Variants in TENM4 observed in about 807,000 individuals in gnomAD.
The protein encoded by TENM4 is teneurin transmembrane protein 4.
In TENM4, 82 loss-of-function variants were observed where a neutral mutation model predicts 243.3. The observed-to-expected ratio is 0.34, with a 90% CI of 0.28 to 0.40. The LOEUF (loss-of-function observed/expected upper bound fraction) is 0.40. TENM4 is among the 10% of genes least tolerant of loss of function. The pLI is 1.00. For synonymous variants in TENM4, 1,412 were observed against 1,456.3 expected, an observed-to-expected ratio of 0.97 and a Z score of 0.69; for missense variants, 3,138 against 3,673.3, an observed-to-expected ratio of 0.85 and a Z score of 3.77.
chr11:79,319,617 T>C (rs552411034), intron 1 of TENM4, among the ~76,000 whole-genome samples: 1 of 152,306 alleles, frequency 6.6e-6, no homozygotes, highest in East Asian at 1.9e-4. Context: ...CAGCCTGATC[T>C]GAAGCCTTGA....
At chr11:78,733,629 T>C (rs1258977722) in intron 20 of TENM4, among the ~76,000 whole-genome samples, 1 of 152,210 alleles carries the variant, frequency 6.6e-6, no homozygotes, top group Non-Finnish European at 1.5e-5. Context: ...AGCCTTGGCA[T>C]GCACTTTTAC....
chr11:79,251,767 A>G (rs1381346336), intron 2 of TENM4, among the ~76,000 whole-genome samples: 2 of 152,094 alleles, frequency 1.3e-5, no homozygotes, highest in Non-Finnish European at 2.9e-5. Flanking sequence ...TAAAATTATG[A>G]GAAAATATAA....
At chr11:78,821,603 T>G (rs1268690699) in intron 12 of TENM4, among the ~76,000 whole-genome samples, 1 of 152,208 alleles carries the variant, frequency 6.6e-6, no homozygotes, top group African/African-American at 2.4e-5. Flanking sequence ...AAGACACTGA[T>G]GAGTTAAGCT....
At chr11:78,814,449 A>G in intron 12 of TENM4, 54 bp from the exon 13 acceptor site, 1 of 1,475,008 alleles carries the variant, frequency 6.8e-7, no homozygotes, top group Non-Finnish European at 9.2e-7. Flanking sequence ...ACCCAAACAG[A>G]GAGCCCAGGA....
chr11:78,798,423 A>G (rs1353351926), intron 15 of TENM4, among the ~76,000 whole-genome samples: 1 of 152,196 alleles, frequency 6.6e-6, no homozygotes, highest in Admixed American at 6.5e-5. Flanking sequence ...ATAAACTGAA[A>G]GCTTAGAGGA....
chr11:79,320,626 C>T (rs495487), intron 1 of TENM4, among the ~76,000 whole-genome samples: 92,525 of 151,924 alleles, frequency 0.61, 28,589 homozygotes, highest in South Asian at 0.71. Context: ...CTCATGTTTG[C>T]TTATATCCAG....
chr11:79,198,392 G>A (rs1167325140), intron 3 of TENM4, among the ~76,000 whole-genome samples: 1 of 152,188 alleles, frequency 6.6e-6, no homozygotes, highest in Non-Finnish European at 1.5e-5. Flanking sequence ...GCCTGGGGAG[G>A]CGCCAGGCCT....
intron 25 of TENM4, among the ~76,000 whole-genome samples, chr11:78,718,744 A>T (rs1859579043): frequency 6.6e-6 from 1 of 152,240 alleles, no homozygotes; most frequent in Non-Finnish European, 1.5e-5. Flanking sequence ...CTCAGATTTC[A>T]GTGTCAGGAA....
At chr11:79,100,378 G>A (rs1243085346) in intron 4 of TENM4, among the ~76,000 whole-genome samples, 1 of 152,086 alleles carries the variant, frequency 6.6e-6, no homozygotes, top group Non-Finnish European at 1.5e-5. Context: ...GGATTGTGGG[G>A]TGTCTTCTAA....
At chr11:79,282,285 ATTGGGTGGCCC>A (rs1466751588) in intron 2 of TENM4, among the ~76,000 whole-genome samples, 1 of 152,182 alleles carries the variant, frequency 6.6e-6, no homozygotes, top group Non-Finnish European at 1.5e-5. Flanking sequence ...CCCTCATCAG[ATTGGGTGGCCC>A]TTAGGAGCAG....
intron 4 of TENM4, among the ~76,000 whole-genome samples, chr11:79,139,721 A>G (rs11828650): frequency 2.1e-5 from 1 of 47,830 alleles, no homozygotes; most frequent in Non-Finnish European, 3.1e-5. Flanking sequence ...AAGTATATAA[A>G]ATATATATTA....
intron 6 of TENM4, among the ~76,000 whole-genome samples, chr11:78,934,205 C>A (rs1232545584): frequency 6.6e-6 from 1 of 152,192 alleles, no homozygotes; most frequent in Non-Finnish European, 1.5e-5. Context: ...GGCTTTGATG[C>A]AGGCTCTGTT....
rs536646025 is a variant in TENM4, at chr11:79,069,590, T to C, written c.223+132A>G. 67 of 1,238,780 alleles carry C rather than the reference T, an allele frequency of 5.4e-5. No individual in the cohort carries two copies. The African/African-American group carries it at 6.1e-4, about 11-fold the overall frequency. The allele number at this position is 1,238,780 out of a possible 1,614,324, so 76.7% of individuals were successfully genotyped here. The stretch of plus-strand genomic sequence containing the variant: ...GTGCCCAAATGGCAGAAACTTGCTG[T>C]TGATATGGCACCCCAACTGGTGTTC... On this transcript the variant is annotated intron_variant, in intron 5 of 33. Coordinates refer to ENST00000278550, the MANE Select transcript of TENM4 (RefSeq NM_001098816.3).
chr11:79,269,756 G>A (rs955706313), intron 2 of TENM4: 2 of 152,288 alleles, frequency 1.3e-5, no homozygotes, highest in Non-Finnish European at 2.9e-5. Flanking sequence ...ATTACAGGGG[G>A]CTGGGGAAAG....
chr11:79,096,882 G>A (rs1323757731), intron 4 of TENM4: 1 of 151,892 alleles, frequency 6.6e-6, no homozygotes, highest in Non-Finnish European at 1.5e-5. Flanking sequence ...TACTTATTTG[G>A]AAGACCAATC....
intron 12 of TENM4, among the ~76,000 whole-genome samples, chr11:78,818,977 AT>A (rs1360843845): frequency 2.0e-5 from 3 of 149,296 alleles, no homozygotes; most frequent in Non-Finnish European, 3.0e-5. Flanking sequence ...AAAAAAAAAA[AT>A]ACATGATTTT....
intron 2 of TENM4, among the ~76,000 whole-genome samples, chr11:79,223,723 C>G (rs1466983239): frequency 1.3e-5 from 2 of 152,194 alleles, no homozygotes; most frequent in African/African-American, 4.8e-5. Flanking sequence ...CATGGCTCTT[C>G]CTTTGGCCTC....
intron 1 of TENM4, among the ~76,000 whole-genome samples, chr11:79,435,697 G>A (rs191270962): frequency 1.4e-4 from 22 of 152,278 alleles, no homozygotes; most frequent in African/African-American, 4.1e-4. Context: ...AACCCCGGGC[G>A]GAGACTTGCA....
At chr11:78,991,923 C>A (rs1216688994) in intron 6 of TENM4, among the ~76,000 whole-genome samples, 1 of 152,170 alleles carries the variant, frequency 6.6e-6, no homozygotes, top group Middle Eastern at 3.2e-3. Flanking sequence ...TGGCAGGAAA[C>A]CCCATTCTAT....
Sources: allele counts gnomAD v4.1 joint callset (sites outside exome capture counted in the v4.1 genomes callset), GRCh38; gene constraint gnomAD v4.1.1; transcripts MANE v1.5; gene names NCBI Gene and HGNC (gene_info 2026-07-23, HGNC 2026-07-21).